Variants in RC3H1 observed in about 807,000 individuals in gnomAD.
RC3H1 encodes the protein roquin-1.
A neutral mutation model predicts 138.2 loss-of-function variants in RC3H1; 50 were observed. The observed-to-expected ratio is 0.36, with a 90% CI of 0.29 to 0.46. The LOEUF is 0.46. RC3H1 is among the 20% of genes least tolerant of loss of function. The pLI is 1.00. For missense variants in RC3H1, 1,031 were observed against 1,388.1 expected (o/e 0.74, Z 4.09); for synonymous variants, 462 against 489.1 (o/e 0.94, Z 0.73).
intron 13 of RC3H1, among the ~76,000 whole-genome samples, chr1:173,954,385 TAG>T (rs936142038): frequency 1.3e-4 from 20 of 151,064 alleles, no homozygotes; most frequent in Admixed American, 1.2e-3. Context: ...GTCACAGAAG[TAG>T]AGAGTGGAAC....
chr1:173,942,755 G>C (rs972836485), intron 18 of RC3H1, among the ~76,000 whole-genome samples: 5 of 151,700 alleles, frequency 3.3e-5, no homozygotes, highest in African/African-American at 1.2e-4. Context: ...GCGTGAACCC[G>C]GGAGGCAGAG....
rs181674718 is a variant in RC3H1 at position 173,958,007 on chromosome 1, T to C, written c.2370+3070A>G. 1.1e-3 allele frequency among the ~76,000 whole-genome samples: 175 copies of C among 152,336 alleles called. 1 individual carries two copies. Among genetic ancestry groups the C allele is most frequent in the African/African-American group, 4.1e-3 (171 of 41,582 alleles). Reference sequence around the variant, plus strand: ...ACTTCTATTTAGTAGACTTCCTTCATATACCCAACAAGATACTATTTACTA... The same window carrying C: ...ACTTCTATTTAGTAGACTTCCTTCACATACCCAACAAGATACTATTTACTA... On this transcript the variant is annotated intron_variant, in intron 13 of 19. Coordinates refer to ENST00000367696, the MANE Select transcript of RC3H1 (RefSeq NM_172071.4).
chr1:173,953,587 T>A (rs16846625), intron 13 of RC3H1, among the ~76,000 whole-genome samples: 2,585 of 152,220 alleles, frequency 0.017, 60 homozygotes, highest in African/African-American at 0.06. Context: ...GCTCCTTTTT[T>A]AAATCTCTGT....
intron 13 of RC3H1, among the ~76,000 whole-genome samples, chr1:173,957,115 G>A (rs886649770): frequency 2.0e-5 from 3 of 151,860 alleles, no homozygotes; most frequent in Non-Finnish European, 2.9e-5. Context: ...TCAGAACTGA[G>A]GTTTAAATAT....
At chr1:174,002,627 T>G (rs1661582745) in intron 1 of RC3H1, among the ~76,000 whole-genome samples, 1 of 152,200 alleles carries the variant, frequency 6.6e-6, no homozygotes, top group South Asian at 2.1e-4. Context: ...GGAATAATTC[T>G]TAACAAGCAC....
At chr1:174,021,570 G>A (rs752649328) in intron 1 of RC3H1, among the ~76,000 whole-genome samples, 6 of 151,998 alleles carry the variant, frequency 3.9e-5, no homozygotes, top group Non-Finnish European at 5.9e-5. Flanking sequence ...TAGATCTCCA[G>A]GGACTTCAGG....
intron 18 of RC3H1, among the ~76,000 whole-genome samples, chr1:173,942,428 C>CAAAAAAAAAAAAAAAAAAAAAAAAAAAA (rs60694243): frequency 2.6e-4 from 10 of 38,080 alleles, no homozygotes; most frequent in African/African-American, 1.4e-3. Context: ...GACTCAGTCT[C>CAAAAAAAAAAAAAAAAAAAAAAAAAAAA]AAAAAAAAAA....
At chr1:173,984,769 T>G (rs1476620833) in intron 2 of RC3H1, 150 bp from the exon 3 acceptor site, 4 of 781,238 alleles carry the variant, frequency 5.1e-6, no homozygotes, top group Non-Finnish European at 7.8e-6. Context: ...CCTATTAACA[T>G]GTATCTTTGC....
intron 1 of RC3H1, among the ~76,000 whole-genome samples, chr1:173,997,369 C>T (rs566068922): frequency 6.6e-6 from 1 of 152,254 alleles, no homozygotes; most frequent in East Asian, 1.9e-4. Flanking sequence ...ATTTAAGCTT[C>T]TTAAGATAAT....
Position 173,961,884 on chromosome 1 carries a change from G to A in RC3H1, c.2043C>T (p.Tyr681=). The change falls in exon 12 of 20, where the codon TAC becomes TAT. Residue 681 remains tyrosine (Y), a synonymous_variant. Coordinates refer to ENST00000367696, the MANE Select transcript of RC3H1 (RefSeq NM_172071.4). ...TTTCTCGGAATATCTCTTCTCTTGT[G>A]TAAGACGGAGCAGGGTACACTCGAC... ...DGRRVYPAPS[Y]TREEIFRESP... 6 of 1,614,156 alleles carry A rather than the reference G, an allele frequency of 3.7e-6. No individual in the cohort carries two copies. Among genetic ancestry groups the A allele is most frequent in the Middle Eastern group, 1.7e-4 (1 of 6,060 alleles).
intron 1 of RC3H1, among the ~76,000 whole-genome samples, chr1:173,994,218 C>A (rs1350615309): frequency 6.6e-6 from 1 of 151,564 alleles, no homozygotes; most frequent in Non-Finnish European, 1.5e-5. Flanking sequence ...ATGGTGAAAC[C>A]CCGTCTCTAC....
chr1:173,954,429 G>T (rs569102511), intron 13 of RC3H1, among the ~76,000 whole-genome samples: 1 of 152,168 alleles, frequency 6.6e-6, no homozygotes, highest in East Asian at 1.9e-4. Context: ...AGGGAATGGG[G>T]GGAGGGAAGG....
At chr1:173,971,276 T>C (rs1463202416) in intron 8 of RC3H1, among the ~76,000 whole-genome samples, 1 of 152,126 alleles carries the variant, frequency 6.6e-6, no homozygotes, top group Non-Finnish European at 1.5e-5. Flanking sequence ...TTCCACATTT[T>C]ATAATGAAAA....
chr1:173,996,308 C>A (rs556431614), intron 1 of RC3H1, among the ~76,000 whole-genome samples: 4 of 151,874 alleles, frequency 2.6e-5, no homozygotes, highest in African/African-American at 9.7e-5. Flanking sequence ...CCTTGAAGAC[C>A]AATATATATG....
intron 1 of RC3H1, among the ~76,000 whole-genome samples, chr1:174,005,581 A>G (rs1165652162): frequency 6.6e-6 from 1 of 152,134 alleles, no homozygotes; most frequent in African/African-American, 2.4e-5. Flanking sequence ...TAAAAATCAC[A>G]AAGATACTGA....
rs752476283 is a variant in RC3H1, at chr1:173,951,968, C to T, written c.2523+18G>A. Reference sequence around the variant, plus strand: ...TTATCTTAATTTGTATTAATTATTGCTTAGCTATTACACATACCATCATTT... The same window carrying T: ...TTATCTTAATTTGTATTAATTATTGTTTAGCTATTACACATACCATCATTT... On this transcript the variant is annotated intron_variant, in intron 14 of 19. Transcript: ENST00000367696. The T allele has an allele frequency of 1.9e-6, 3 of 1,577,364 alleles. No homozygotes were observed. Among genetic ancestry groups the T allele is most frequent in the Middle Eastern group, 1.7e-4 (1 of 5,918 alleles).
At chr1:174,000,231 A>G (rs1661538989) in intron 1 of RC3H1, among the ~76,000 whole-genome samples, 2 of 152,248 alleles carry the variant, frequency 1.3e-5, no homozygotes, top group South Asian at 4.1e-4. Flanking sequence ...AAACTATTCG[A>G]ATCTGTTCTA....
intron 1 of RC3H1, among the ~76,000 whole-genome samples, chr1:174,005,613 T>A (rs1308970811): frequency 2.0e-5 from 3 of 152,098 alleles, no homozygotes; most frequent in Non-Finnish European, 4.4e-5. Context: ...AAACACAACA[T>A]GCCTAAATTT....
chr1:173,994,624 C>A (rs537962310), intron 1 of RC3H1, among the ~76,000 whole-genome samples: 2 of 150,608 alleles, frequency 1.3e-5, no homozygotes, highest in African/African-American at 2.4e-5. Context: ...CATAGGGAGA[C>A]CCTGTCTCTA....
Sources: allele counts gnomAD v4.1 joint callset (sites outside exome capture counted in the v4.1 genomes callset), GRCh38; gene constraint gnomAD v4.1.1; transcripts MANE v1.5; gene names NCBI Gene and HGNC (gene_info 2026-07-23, HGNC 2026-07-21).